Variants in XKR3 observed in about 807,000 individuals in gnomAD.
XKR3 encodes the protein XK-related protein 3.
A neutral mutation model predicts 40.3 loss-of-function variants in XKR3; 27 were observed. The observed-to-expected ratio is 0.67, with a 90% CI of 0.49 to 0.92. The LOEUF (loss-of-function observed/expected upper bound fraction) is 0.92, where lower values mean the gene tolerates loss of function less well. Ranked by LOEUF, XKR3 falls within the 40% of genes least tolerant of loss-of-function variation. XKR3 has a pLI of 0.00. For missense variants in XKR3, 472 were observed against 537.6 expected, an observed-to-expected ratio of 0.88 and a Z score of 1.21; for synonymous variants, 193 against 195.4, an observed-to-expected ratio of 0.99 and a Z score of 0.10.
intron 1 of XKR3, among the ~76,000 whole-genome samples, chr22:16,816,521 AC>A (rs1016295773): frequency 4.5e-4 from 68 of 151,890 alleles, no homozygotes; most frequent in African/African-American, 1.6e-3. Flanking sequence ...ACAAAAAAAA[AC>A]CCACACAAAT....
Position 16,807,810 on chromosome 22 carries a change from G to T in XKR3, c.264C>A (p.Phe88Leu), listed in dbSNP as rs1015036257. The T allele has an allele frequency of 3.1e-6, 5 of 1,613,548 alleles. No homozygotes were observed. The African/African-American group carries it at 5.3e-5, about 17-fold the overall frequency. Residue 88 changes from phenylalanine to leucine, a missense_variant, in exon 2 of 4, where the codon TTC becomes TTA. By Grantham distance (22) the Phe-to-Leu change is conservative. Coordinates refer to ENST00000684488, the MANE Select transcript of XKR3 (RefSeq NM_001386955.1). The part of the protein sequence containing the change: ...AILDQIILMF[F>L]NKDLRRNKAA... Reference sequence around the variant, plus strand: ...CCTTATTTCTCCTCAAGTCTTTGTTGAAAAACATCAGGATAATTTGATCCA... The same window carrying T: ...CCTTATTTCTCCTCAAGTCTTTGTTTAAAAACATCAGGATAATTTGATCCA...
chr22:16,784,259 A>G lies in XKR3; in HGVS notation c.740T>C (p.Ile247Thr). 1 of 1,614,196 alleles carries G rather than the reference A, an allele frequency of 6.2e-7. No homozygotes were observed. Among genetic ancestry groups the G allele is most frequent in the Non-Finnish European group, 8.5e-7 (1 of 1,180,032 alleles). The change falls in exon 4 of 4, where the codon ATC becomes ACC. Residue 247 changes from isoleucine (I) to threonine (T), a missense_variant. Ile to Thr is a moderately conservative substitution (Grantham distance 89, BLOSUM62 -1). Coordinates refer to ENST00000684488, the MANE Select transcript of XKR3 (RefSeq NM_001386955.1). ...CVVMWRFLEV[I>T]SRVVTLAFFI... The stretch of plus-strand genomic sequence containing the variant: ...AAATGCCAGAGTCACTACACGTGAG[A>G]TAACCTCCAAAAAACGCCACATCAC...
In XKR3 at chr22:16,784,311, G is replaced by C. The variant is rs1294802957; in HGVS notation, c.688C>G (p.Leu230Val). Residue 230 changes from leucine to valine, a missense_variant, in exon 4 of 4, where the codon CTA becomes GTA. Leu to Val is a conservative substitution (Grantham distance 32, BLOSUM62 1). Transcript: ENST00000684488. ...QISNDDTTIKLPPIEFFCVVM... is the reference protein window; with the variant it reads ...QISNDDTTIKVPPIEFFCVVM... ...ACACAGAAGAATTCTATCGGCGGTAGCTTAATGGTAGTATCATCATTGCTG... is the reference window on the plus strand; with the variant it reads ...ACACAGAAGAATTCTATCGGCGGTACCTTAATGGTAGTATCATCATTGCTG... The C allele has an allele frequency of 2.5e-6, 4 of 1,614,046 alleles. No homozygotes were observed. Among genetic ancestry groups the C allele is most frequent in the African/African-American group, 2.7e-5 (2 of 74,926 alleles).
At chr22:16,811,633 G>A (rs1345237969) in intron 1 of XKR3, among the ~76,000 whole-genome samples, 11 of 152,136 alleles carry the variant, frequency 7.2e-5, no homozygotes, top group Admixed American at 2.6e-4. Context: ...TATTCTTCAC[G>A]TGTACGCTGA....
In XKR3 at chr22:16,784,037, C is replaced by G; in HGVS notation, c.962G>C (p.Cys321Ser). The G allele has an allele frequency of 6.2e-7, 1 of 1,614,224 alleles. No homozygotes were observed. Among genetic ancestry groups the G allele is most frequent in the Non-Finnish European group, 8.5e-7 (1 of 1,180,032 alleles). ...CAACTGCAGTTTCACTGCTGACCAG[C>G]AGGAGAAGTTGATGGCAGCATATAG... Reference protein sequence around the residue: ...TLLYAAINFSCWSAVKLQLSD... With the variant: ...TLLYAAINFSSWSAVKLQLSD... The change falls in exon 4 of 4, where the codon TGC (cysteine) becomes TCC (serine). Residue 321 changes from cysteine (C) to serine (S), a missense_variant. Coordinates refer to ENST00000684488, the MANE Select transcript of XKR3 (RefSeq NM_001386955.1).
At chr22:16,787,564 TA>T (rs58712714) in intron 3 of XKR3, among the ~76,000 whole-genome samples, 116,249 of 142,418 alleles carry the variant, frequency 0.82, 47,259 homozygotes, top group Middle Eastern at 0.97. Context: ...CGTCTCAAAT[TA>T]AAAAAAAAAA....
chr22:16,784,473 T>C, intron 3 of XKR3, 64 bp from the exon 4 acceptor site: 1 of 1,411,068 alleles, frequency 7.1e-7, no homozygotes, highest in Non-Finnish European at 9.5e-7. Context: ...ACTTTCTTTT[T>C]TAAACTTGCC....
chr22:16,786,164 C>A (rs1389428866), intron 3 of XKR3, among the ~76,000 whole-genome samples: 36 of 151,866 alleles, frequency 2.4e-4, no homozygotes, highest in African/African-American at 8.0e-4. Context: ...GTAATCCTAC[C>A]TTTAGGAGGC....
intron 3 of XKR3, among the ~76,000 whole-genome samples, chr22:16,791,008 A>C (rs1470690919): frequency 2.0e-5 from 3 of 152,186 alleles, no homozygotes; most frequent in Admixed American, 1.3e-4. Flanking sequence ...CAAAAATTAG[A>C]AATTAGTACT....
At chr22:16,801,471 G>A (rs906625807) in intron 2 of XKR3, among the ~76,000 whole-genome samples, 58 of 152,234 alleles carry the variant, frequency 3.8e-4, no homozygotes, top group African/African-American at 1.3e-3. Flanking sequence ...GAGCCTGGGT[G>A]GCAGAAATTG....
intron 2 of XKR3, among the ~76,000 whole-genome samples, chr22:16,801,054 A>T (rs902501627): frequency 4.6e-5 from 7 of 152,182 alleles, no homozygotes; most frequent in Admixed American, 2.0e-4. Context: ...CATCTAATAT[A>T]TGATGGAGAT....
intron 1 of XKR3, among the ~76,000 whole-genome samples, chr22:16,820,438 A>G (rs2060250680): frequency 6.6e-6 from 1 of 152,196 alleles, no homozygotes; most frequent in Non-Finnish European, 1.5e-5. Flanking sequence ...AAACAGATCT[A>G]CTGACAAGTA....
chr22:16,806,201 G>A (rs2060188537), intron 2 of XKR3, among the ~76,000 whole-genome samples: 2 of 148,722 alleles, frequency 1.3e-5, no homozygotes, highest in African/African-American at 5.0e-5. Context: ...AGAGGTTGCA[G>A]TGAGCCAAGA....
At chr22:16,793,539 A>G (rs2060129250) in intron 3 of XKR3, among the ~76,000 whole-genome samples, 3 of 152,188 alleles carry the variant, frequency 2.0e-5, no homozygotes, top group African/African-American at 7.2e-5. Context: ...CACTACAATC[A>G]TGTTACTGAA....
At chr22:16,786,830 TGC>T (rs1385884353) in intron 3 of XKR3, among the ~76,000 whole-genome samples, 1 of 152,158 alleles carries the variant, frequency 6.6e-6, no homozygotes, top group Non-Finnish European at 1.5e-5. Context: ...TATATCATTG[TGC>T]AGATAACAAT....
chr22:16,799,998 T>C lies in XKR3; in HGVS notation c.362A>G (p.His121Arg), dbSNP rs1230989341. 1 of 1,614,126 alleles carries C rather than the reference T, an allele frequency of 6.2e-7. No homozygotes were observed. The highest frequency in any genetic ancestry group is 8.5e-7 in the Non-Finnish European group (1 of 1,180,000). Reference sequence around the variant, plus strand: ...CTGTTTAAGATTTTTCAACCATTTGTGGTAATTTCTAATGGTGTGCAAACA... The same window carrying C: ...CTGTTTAAGATTTTTCAACCATTTGCGGTAATTTCTAATGGTGTGCAAACA... Reference protein sequence around the residue: ...VRCLHTIRNYHKWLKNLKQEK... With the variant: ...VRCLHTIRNYRKWLKNLKQEK... Residue 121 changes from histidine to arginine, a missense_variant, in exon 3 of 4, where the codon CAC becomes CGC. His to Arg is a conservative substitution (Grantham distance 29, BLOSUM62 0). Coordinates refer to ENST00000684488, the MANE Select transcript of XKR3 (RefSeq NM_001386955.1).
chr22:16,818,329 T>C (rs2060242063), intron 1 of XKR3, among the ~76,000 whole-genome samples: 1 of 152,036 alleles, frequency 6.6e-6, no homozygotes, highest in East Asian at 1.9e-4. Flanking sequence ...AGACAGACTC[T>C]GAAAGGTCTT....
intron 3 of XKR3, among the ~76,000 whole-genome samples, chr22:16,792,018 T>G (rs1306436164): frequency 5.9e-5 from 9 of 152,076 alleles, no homozygotes. Context: ...CTCGGCTCAT[T>G]GCATCCTCCG....
At chr22:16,799,436 C>CAAAAAAAAAAAAAAAAAAAAAA (rs2060157854) in intron 3 of XKR3, among the ~76,000 whole-genome samples, 2 of 59,012 alleles carry the variant, frequency 3.4e-5, no homozygotes, top group Admixed American at 1.8e-4. Flanking sequence ...AAAAAAAAAG[C>CAAAAAAAAAAAAAAAAAAAAAA]AATGCTGTTT....
Sources: gnomAD v4.1 joint callset for allele counts (sites outside exome capture counted in the v4.1 genomes callset) on GRCh38, gnomAD v4.1.1 for gene constraint, MANE v1.5 for transcripts, NCBI Gene and HGNC (gene_info 2026-07-23, HGNC 2026-07-21) for gene names.